The following DACH1 variants were observed in gnomAD, a reference collection of about 807,000 sequenced individuals.
DACH1 encodes dachshund homolog 1.
In DACH1, 12 loss-of-function variants were observed where a neutral mutation model predicts 54.2. The ratio of observed to expected loss-of-function variants is 0.22; its 90% CI spans 0.14 to 0.36. DACH1 has a LOEUF of 0.36. Ranked by LOEUF, DACH1 falls within the 10% of genes least tolerant of loss-of-function variation. The probability of loss-of-function intolerance (pLI) is 1.00; values close to 1 mark genes in which losing one functional copy is unlikely to be tolerated. For missense variants in DACH1, 805 were observed against 929.8 expected (o/e 0.87, Z 1.75); for synonymous variants, 386 against 366.2 (o/e 1.05, Z -0.62).
At chr13:71,758,755 C>T (rs987099702) in intron 1 of DACH1, among the ~76,000 whole-genome samples, 29 of 152,114 alleles carry the variant, frequency 1.9e-4, no homozygotes, top group African/African-American at 6.0e-4. Flanking sequence ...TATAAATATC[C>T]GGTATATTAA....
At chr13:71,827,880 C>A (rs1281703427) in intron 1 of DACH1, among the ~76,000 whole-genome samples, 1 of 151,918 alleles carries the variant, frequency 6.6e-6, no homozygotes, top group African/African-American at 2.4e-5. Context: ...TTTTTGAAAA[C>A]CAGCGACTGA....
At chr13:71,563,492 T>C (rs1237137920) in intron 4 of DACH1, among the ~76,000 whole-genome samples, 5 of 151,976 alleles carry the variant, frequency 3.3e-5, no homozygotes, top group Non-Finnish European at 7.4e-5. Context: ...ATTATGCCAT[T>C]AAAATAATTC....
At chr13:71,466,223 C>A (rs1169041087) in intron 10 of DACH1, among the ~76,000 whole-genome samples, 3 of 152,052 alleles carry the variant, frequency 2.0e-5, no homozygotes, top group African/African-American at 7.2e-5. Flanking sequence ...CTTTAGGGTC[C>A]CCTGCTAATA....
intron 2 of DACH1, among the ~76,000 whole-genome samples, chr13:71,651,674 C>CTGTATATGTATATGTATA (rs1306400504): frequency 3.7e-5 from 5 of 135,994 alleles, no homozygotes; most frequent in East Asian, 4.2e-4. Context: ...GTATCTGTAT[C>CTGTATATGTATATGTATA]TGTATCTGTA....
intron 3 of DACH1, among the ~76,000 whole-genome samples, chr13:71,591,923 T>A (rs1441792204): frequency 6.6e-6 from 1 of 151,680 alleles, no homozygotes; most frequent in Non-Finnish European, 1.5e-5. Flanking sequence ...AACAACAGAA[T>A]CCAAAAAAAA....
At chr13:71,630,511 A>G in intron 3 of DACH1, 45 bp downstream of exon 3, 1 of 1,508,512 alleles carries the variant, frequency 6.6e-7, no homozygotes, top group Non-Finnish European at 8.8e-7. Context: ...ACTGTAATTC[A>G]GTAGCAAAGT....
intron 3 of DACH1, among the ~76,000 whole-genome samples, chr13:71,599,759 A>T (rs1480788185): frequency 6.6e-6 from 1 of 151,538 alleles, no homozygotes; most frequent in Non-Finnish European, 1.5e-5. Context: ...GCTAATGTTA[A>T]TTTTTTTTAC....
chr13:71,605,244 AT>A (rs1350105530), intron 3 of DACH1, among the ~76,000 whole-genome samples: 2 of 151,848 alleles, frequency 1.3e-5, no homozygotes, highest in East Asian at 3.9e-4. Context: ...CAATAATTAC[AT>A]TTTTTAAATA....
intron 6 of DACH1, among the ~76,000 whole-genome samples, chr13:71,549,368 C>A (rs934476575): frequency 6.6e-6 from 1 of 151,976 alleles, no homozygotes; most frequent in Admixed American, 6.6e-5. Flanking sequence ...TCTACACCTA[C>A]CGTATTAAGA....
At chr13:71,649,779 A>T (rs1390364594) in intron 2 of DACH1, among the ~76,000 whole-genome samples, 1 of 152,220 alleles carries the variant, frequency 6.6e-6, no homozygotes, top group Non-Finnish European at 1.5e-5. Context: ...TACTAGAAAT[A>T]TATCATGGTA....
intron 7 of DACH1, among the ~76,000 whole-genome samples, chr13:71,480,664 A>T (rs1407042706): frequency 2.0e-5 from 3 of 152,170 alleles, no homozygotes; most frequent in African/African-American, 7.2e-5. Context: ...ATGAAAGTTG[A>T]TGTCATTTGT....
intron 2 of DACH1, among the ~76,000 whole-genome samples, chr13:71,653,612 T>C (rs1194930600): frequency 1.3e-5 from 2 of 152,212 alleles, no homozygotes; most frequent in Admixed American, 6.5e-5. Context: ...TCCTTCCTGA[T>C]GTACCAAAAA....
intron 1 of DACH1, among the ~76,000 whole-genome samples, chr13:71,740,725 C>T (rs1347500459): frequency 6.6e-6 from 1 of 152,040 alleles, no homozygotes; most frequent in Non-Finnish European, 1.5e-5. Flanking sequence ...GCAGTTACTT[C>T]CCAGTACATA....
At chr13:71,457,381 T>C (rs1053761318) in intron 10 of DACH1, among the ~76,000 whole-genome samples, 1 of 152,034 alleles carries the variant, frequency 6.6e-6, no homozygotes, top group African/African-American at 2.4e-5. Context: ...AGTCAAAACA[T>C]GAATTATCTA....
intron 6 of DACH1, among the ~76,000 whole-genome samples, chr13:71,517,107 T>C (rs1881219827): frequency 6.6e-6 from 1 of 151,824 alleles, no homozygotes; most frequent in African/African-American, 2.4e-5. Context: ...TAGAAAGTGA[T>C]AATAATTTCT....
At chr13:71,723,420 A>T (rs1047042736) in intron 1 of DACH1, among the ~76,000 whole-genome samples, 1 of 152,100 alleles carries the variant, frequency 6.6e-6, no homozygotes, top group African/African-American at 2.4e-5. Context: ...TCTAAAAAAT[A>T]AAATAAAATG....
intron 10 of DACH1, among the ~76,000 whole-genome samples, chr13:71,470,942 G>A (rs1877014968): frequency 6.6e-6 from 1 of 152,182 alleles, no homozygotes; most frequent in African/African-American, 2.4e-5. Context: ...GGAAGGTGTA[G>A]TAAGAACCTC....
chr13:71,557,832 T>A (rs866767749), intron 5 of DACH1, among the ~76,000 whole-genome samples: 2 of 121,614 alleles, frequency 1.6e-5, no homozygotes, highest in Non-Finnish European at 3.5e-5. Context: ...ACAAAATAAA[T>A]GGCCTGTACT....
intron 6 of DACH1, among the ~76,000 whole-genome samples, chr13:71,519,883 G>GTGTATATATATATATATATATA (rs552808622): frequency 0.073 from 2,116 of 29,146 alleles, 439 homozygotes; most frequent in Middle Eastern, 0.17. Context: ...AACCAAAGTA[G>GTGTATATATATATATATATATA]TATATATATA....
Sources: gnomAD v4.1 joint callset for allele counts (sites outside exome capture counted in the v4.1 genomes callset) on GRCh38, gnomAD v4.1.1 for gene constraint, MANE v1.5 for transcripts, NCBI Gene and HGNC (gene_info 2026-07-23, HGNC 2026-07-21) for gene names.